Variants in ADGRB3 observed in about 807,000 individuals in gnomAD.
The protein encoded by ADGRB3 is adhesion G protein-coupled receptor B3.
ADGRB3 carries 37 observed loss-of-function variants against 193.4 expected under a neutral mutation model. That is an observed-to-expected ratio of 0.19 (90% CI 0.15 to 0.25). The LOEUF is 0.25. Among genes scored for constraint, ADGRB3 ranks in the 10% least tolerant of loss-of-function variants. ADGRB3 has a pLI of 1.00. For missense variants in ADGRB3, 1,637 were observed against 1,852.9 expected (o/e 0.88, Z 2.14); for synonymous variants, 690 against 644.2 (o/e 1.07, Z -1.08).
chr6:69,147,447 A>G (rs1774536369), intron 17 of ADGRB3, among the ~76,000 whole-genome samples: 1 of 152,180 alleles, frequency 6.6e-6, no homozygotes, highest in Admixed American at 6.5e-5. Context: ...GTTTTTGTAT[A>G]GTTTCCAACA....
intron 17 of ADGRB3, among the ~76,000 whole-genome samples, chr6:69,173,017 TTTGG>T (rs1775326278): frequency 9.8e-6 from 1 of 102,254 alleles, no homozygotes; most frequent in Non-Finnish European, 2.5e-5. Context: ...TGTGTGGGGT[TTTGG>T]TTTTTGTTTT....
chr6:69,380,970 C>T (rs142500567), intron 30 of ADGRB3, among the ~76,000 whole-genome samples: 1,618 of 151,918 alleles, frequency 0.011, 22 homozygotes, highest in African/African-American at 0.037. Flanking sequence ...AGATTCATTG[C>T]TATGAAAAAT....
chr6:69,106,144 C>A (rs1429341431), intron 17 of ADGRB3, among the ~76,000 whole-genome samples: 2 of 108,688 alleles, frequency 1.8e-5, no homozygotes, highest in East Asian at 7.2e-4. Context: ...GGGCAACAGG[C>A]TTTTTCTGTG....
At chr6:69,105,703 C>T (rs192064615) in intron 17 of ADGRB3, among the ~76,000 whole-genome samples, 51 of 152,254 alleles carry the variant, frequency 3.3e-4, no homozygotes, top group African/African-American at 8.7e-4. Flanking sequence ...AGTTTTATCT[C>T]TCTTTTATGA....
At chr6:69,044,149 A>G (rs564181990) in intron 13 of ADGRB3, among the ~76,000 whole-genome samples, 1 of 152,366 alleles carries the variant, frequency 6.6e-6, no homozygotes, top group Non-Finnish European at 1.5e-5. Flanking sequence ...TGAATATTGG[A>G]TCCAGATCAT....
At chr6:69,251,561 AGT>A (rs1196993200) in intron 20 of ADGRB3, among the ~76,000 whole-genome samples, 1 of 152,196 alleles carries the variant, frequency 6.6e-6, no homozygotes, top group African/African-American at 2.4e-5. Flanking sequence ...TAAATCTAGA[AGT>A]AGGGAGGAGA....
chr6:68,962,038 A>G (rs1768247757), intron 8 of ADGRB3, among the ~76,000 whole-genome samples: 2 of 152,296 alleles, frequency 1.3e-5, no homozygotes, highest in South Asian at 2.1e-4. Flanking sequence ...TGTCCATACC[A>G]GTTGTTAACC....
intron 3 of ADGRB3, among the ~76,000 whole-genome samples, chr6:68,678,650 T>G (rs117040057): frequency 2.0e-5 from 3 of 152,194 alleles, no homozygotes; most frequent in Admixed American, 2.0e-4. Context: ...CAGGTTTAGA[T>G]CATTTAAAGA....
intron 3 of ADGRB3, among the ~76,000 whole-genome samples, chr6:68,741,871 TTCTTATAACG>T (rs1477657252): frequency 1.8e-4 from 28 of 152,252 alleles, no homozygotes; most frequent in African/African-American, 6.5e-4. Flanking sequence ...TGCATTCTTC[TTCTTATAACG>T]TTTTAGCTAA....
chr6:69,049,825 A>T (rs1554253702), intron 15 of ADGRB3, among the ~76,000 whole-genome samples: 1 of 152,186 alleles, frequency 6.6e-6, no homozygotes, highest in Non-Finnish European at 1.5e-5. Context: ...ATTTTTTTAA[A>T]AAATGCTGCT....
In ADGRB3 at chr6:69,331,867, G is replaced by A. The variant is rs188222795; in HGVS notation, c.3103-1056G>A. The A allele has an allele frequency of 1.3e-3, 1,262 of 984,656 alleles. 2 individuals carry two copies. Among genetic ancestry groups the A allele is most frequent in the Non-Finnish European group, 1.4e-3 (1,183 of 829,320 alleles). 61.0% of individuals were successfully genotyped at this position (984,656 alleles called of 1,614,324 possible). A position where few individuals can be genotyped will look rare whatever the true frequency, so the allele number is the denominator to read the frequency against. The stretch of plus-strand genomic sequence containing the variant: ...ACTTTTTCTCTTAGTTTAAATGAGA[G>A]GTACATAGATGAATAAGTATTCTCT... On this transcript the variant is annotated intron_variant, in intron 23 of 31. Coordinates refer to ENST00000370598, the MANE Select transcript of ADGRB3 (RefSeq NM_001704.3).
chr6:69,225,264 A>G (rs1226271131), intron 17 of ADGRB3, among the ~76,000 whole-genome samples: 6 of 152,154 alleles, frequency 3.9e-5, no homozygotes, highest in African/African-American at 1.2e-4. Context: ...TAATGGCTCA[A>G]TGGCCTCCTC....
At chr6:69,046,908 A>T (rs2150301287) in intron 13 of ADGRB3, among the ~76,000 whole-genome samples, 1 of 152,250 alleles carries the variant, frequency 6.6e-6, no homozygotes, top group African/African-American at 2.4e-5. Flanking sequence ...CCCAGGCTGG[A>T]GTGCACTGGC....
intron 3 of ADGRB3, among the ~76,000 whole-genome samples, chr6:68,727,821 T>C (rs969882059): frequency 1.3e-5 from 2 of 151,564 alleles, no homozygotes; most frequent in African/African-American, 4.8e-5. Context: ...TTCAGTGAAG[T>C]GTACCAGTTG....
At chr6:68,986,514 T>C (rs1020095973) in intron 10 of ADGRB3, among the ~76,000 whole-genome samples, 7 of 152,182 alleles carry the variant, frequency 4.6e-5, no homozygotes, top group Non-Finnish European at 1.0e-4. Context: ...GAAATATTCA[T>C]TTACCAGAAC....
At chr6:69,336,722 G>T (rs2127317889) in intron 24 of ADGRB3, among the ~76,000 whole-genome samples, 2 of 151,996 alleles carry the variant, frequency 1.3e-5, no homozygotes, top group South Asian at 4.2e-4. Context: ...TTTACTGTTT[G>T]AACTTTTAAT....
At chr6:69,089,398 A>C (rs1480002572) in intron 17 of ADGRB3, among the ~76,000 whole-genome samples, 1 of 152,178 alleles carries the variant, frequency 6.6e-6, no homozygotes. Context: ...TAAATTGTAT[A>C]TTAAAGGGAA....
At chr6:69,074,985 C>T (rs960780885) in intron 16 of ADGRB3, among the ~76,000 whole-genome samples, 3 of 152,098 alleles carry the variant, frequency 2.0e-5, no homozygotes, top group Non-Finnish European at 4.4e-5. Flanking sequence ...GGTGGGATGC[C>T]AAAATCAGGA....
At chr6:68,953,512 A>C (rs1215467196) in intron 6 of ADGRB3, among the ~76,000 whole-genome samples, 2 of 152,188 alleles carry the variant, frequency 1.3e-5, no homozygotes, top group African/African-American at 4.8e-5. Context: ...TGAATAGAAA[A>C]ATTCTGAAAT....
Sources: gnomAD v4.1 joint callset for allele counts (sites outside exome capture counted in the v4.1 genomes callset) on GRCh38, gnomAD v4.1.1 for gene constraint, MANE v1.5 for transcripts, NCBI Gene and HGNC (gene_info 2026-07-23, HGNC 2026-07-21) for gene names.